The following COA7 variants were observed in gnomAD, a reference collection of about 807,000 sequenced individuals.
COA7 encodes Sel1 repeat containing 1.
Under a neutral mutation model 21.0 loss-of-function variants are expected in COA7, and 12 were observed. The observed-to-expected ratio is 0.57, with a 90% CI of 0.37 to 0.92. COA7 has a LOEUF of 0.92. Ranked by LOEUF, COA7 falls within the 40% of genes least tolerant of loss-of-function variation. The probability of loss-of-function intolerance (pLI) is 0.01; values close to 1 mark genes in which losing one functional copy is unlikely to be tolerated. For missense variants in COA7, 240 were observed against 286.1 expected (o/e 0.84, Z 1.16); for synonymous variants, 95 against 107.4 (o/e 0.88, Z 0.72).
intron 2 of COA7, among the ~76,000 whole-genome samples, chr1:52,688,469 A>G (rs1017649239): frequency 1.3e-5 from 2 of 152,096 alleles, no homozygotes; most frequent in African/African-American, 4.8e-5. Context: ...GCTAGTCTTA[A>G]ACTCTGGGAC....
intron 1 of COA7, among the ~76,000 whole-genome samples, chr1:52,696,060 C>T (rs912537455): frequency 6.6e-6 from 1 of 152,182 alleles, no homozygotes; most frequent in African/African-American, 2.4e-5. Flanking sequence ...CAACACTTGC[C>T]CAGCCCTCCA....
intron 1 of COA7, among the ~76,000 whole-genome samples, chr1:52,697,125 TA>T (rs1050312179): frequency 2.6e-5 from 4 of 151,210 alleles, no homozygotes; most frequent in African/African-American, 9.7e-5. Context: ...ACAAAAAAAT[TA>T]AAAAGTAGGC....
At chr1:52,692,660 A>C in intron 2 of COA7, 67 bp downstream of exon 2, 1 of 1,577,398 alleles carries the variant, frequency 6.3e-7, no homozygotes, top group Non-Finnish European at 8.7e-7. Context: ...AGAGCTTATC[A>C]TGGGGCTCAG....
At position 52,692,746 on chromosome 1, in the gene COA7, G is replaced by C. The variant is rs1644056641; in HGVS notation, c.228C>G (p.Ala76=). 1.2e-6 allele frequency: 2 copies of C among 1,614,166 alleles called. No individual in the cohort carries two copies. The highest frequency in any genetic ancestry group is 1.7e-6 in the Non-Finnish European group (2 of 1,180,042). ...QHSDSCYKLG[A]YYVTGKGGLT... is the part of the protein sequence containing the mutation. ...CCTTACCTTTTCCAGTCACATAGTAGGCCCCCAGTTTGTAGCAGCTATCAC... is the reference window on the plus strand; with the variant it reads ...CCTTACCTTTTCCAGTCACATAGTACGCCCCCAGTTTGTAGCAGCTATCAC... Residue 76 remains alanine, a synonymous_variant, in exon 2 of 3, where the codon GCC becomes GCG. Transcript: ENST00000371538.
intron 1 of COA7, 126 bp from the exon 2 acceptor site, chr1:52,692,993 T>A: frequency 2.1e-6 from 2 of 966,568 alleles, no homozygotes; most frequent in Non-Finnish European, 3.1e-6. Context: ...CCTGTCCTCC[T>A]GATGTGTGGC....
At chr1:52,693,821 A>G (rs1236476520) in intron 1 of COA7, among the ~76,000 whole-genome samples, 1 of 152,044 alleles carries the variant, frequency 6.6e-6, no homozygotes, top group African/African-American at 2.4e-5. Context: ...GTGACAACAT[A>G]TATCTCTCAT....
rs988363601 is a variant in COA7, at chr1:52,685,766, A to C, written c.*1954T>G. 5.9e-5 allele frequency: 9 copies of C among 152,042 alleles called. No individual in the cohort carries two copies. Among genetic ancestry groups the C allele is most frequent in the African/African-American group, 2.4e-5 (1 of 41,354 alleles). The allele number at this position is 152,042 out of a possible 1,614,324, so 9.4% of individuals were successfully genotyped here. A position where few individuals can be genotyped will look rare whatever the true frequency, so the allele number is the denominator to read the frequency against. Reference sequence around the variant, plus strand: ...TTTTTAGTAGATACGAGGTTTCACTATGTTGGCCAGGCTGTTCTCGAAATC... The same window carrying C: ...TTTTTAGTAGATACGAGGTTTCACTCTGTTGGCCAGGCTGTTCTCGAAATC... On this transcript the variant is annotated 3_prime_UTR_variant, in exon 3 of 3. Coordinates refer to ENST00000371538, the MANE Select transcript of COA7 (RefSeq NM_023077.3).
intron 2 of COA7, 54 bp from the exon 3 acceptor site, chr1:52,688,222 T>C (rs1344813618): frequency 5.8e-5 from 84 of 1,449,166 alleles, no homozygotes; most frequent in Non-Finnish European, 7.5e-5. Flanking sequence ...ACAACCTAAA[T>C]GTCTCAGGCC....
At chr1:52,694,948 T>C (rs897536957) in intron 1 of COA7, among the ~76,000 whole-genome samples, 3 of 152,116 alleles carry the variant, frequency 2.0e-5, no homozygotes, top group Admixed American at 6.6e-5. Flanking sequence ...GATGGAGTTA[T>C]GATTTTTTCC....
At chr1:52,690,881 G>A (rs773759449) in intron 2 of COA7, among the ~76,000 whole-genome samples, 3 of 152,010 alleles carry the variant, frequency 2.0e-5, no homozygotes, top group Non-Finnish European at 4.4e-5. Flanking sequence ...AGGCCAAGGC[G>A]GGTGGATCGT....
At chr1:52,698,109 C>G (rs1325478306) in intron 1 of COA7, 112 bp downstream of exon 1, 5 of 787,306 alleles carry the variant, frequency 6.4e-6, no homozygotes, top group African/African-American at 3.4e-5. Context: ...CCACAGACCC[C>G]GTCCCCCGCC....
At position 52,698,278 on chromosome 1, in the gene COA7, A is replaced by T. The variant is rs1571721266; in HGVS notation, c.49T>A (p.Leu17Met). 6.2e-7 allele frequency: 1 copy of T among 1,612,860 alleles called. No homozygotes were observed. The highest frequency in any genetic ancestry group is 2.2e-5 in the East Asian group (1 of 44,848). The change falls in exon 1 of 3, where the codon TTG becomes ATG. Residue 17 changes from leucine to methionine, a missense_variant. Physicochemically the swap from Leu to Met is conservative, Grantham distance 15. Around this residue, in one of 3 missense-constraint regions of COA7, gnomAD observed 71 missense variants for 54.7 expected, o/e 1.30. Coordinates refer to ENST00000371538, the MANE Select transcript of COA7 (RefSeq NM_023077.3). Reference protein sequence around the residue: ...FQDEEQVKSFLENMEVECNYH... With the variant: ...FQDEEQVKSFMENMEVECNYH... ...TTGCACTCCACCTCCATGTTCTCCA[A>T]AAAGGACTTGACCTGCTCCTCATCC...
chr1:52,688,755 T>A (rs1644024637), intron 2 of COA7, among the ~76,000 whole-genome samples: 1 of 152,170 alleles, frequency 6.6e-6, no homozygotes, highest in Non-Finnish European at 1.5e-5. Context: ...ACAGACCTCC[T>A]AGCTTTCTCA....
At chr1:52,688,564 T>C (rs955818632) in intron 2 of COA7, among the ~76,000 whole-genome samples, 5 of 152,148 alleles carry the variant, frequency 3.3e-5, no homozygotes, top group African/African-American at 1.2e-4. Context: ...AATTCCTGAA[T>C]AAAGTTTAAG....
rs1380236696 is a variant in COA7 at position 52,688,142 on chromosome 1, C to T, written c.274G>A (p.Ala92Thr). ...CACGCCATCAAAAAGCACCTGGCGG[C>T]AGCTTTCAGGTCCTGGGTCAGACCA... ...KGGLTQDLKA[A>T]ARCFLMACEK... Residue 92 changes from alanine (A) to threonine (T), a missense_variant, in exon 3 of 3, where the codon GCC becomes ACC. By Grantham distance (58) the Ala-to-Thr change is moderately conservative. Coordinates refer to ENST00000371538, the MANE Select transcript of COA7 (RefSeq NM_023077.3). The T allele has an allele frequency of 2.5e-6, 4 of 1,612,074 alleles. No individual in the cohort carries two copies. In the East Asian group the frequency reaches 8.9e-5, roughly 36 times the overall value.
chr1:52,689,028 T>C (rs1341711442), intron 2 of COA7, among the ~76,000 whole-genome samples: 1 of 152,206 alleles, frequency 6.6e-6, no homozygotes, highest in Non-Finnish European at 1.5e-5. Flanking sequence ...AACAATTATT[T>C]ACTCAGTATT....
chr1:52,689,394 T>G (rs1387939852), intron 2 of COA7, among the ~76,000 whole-genome samples: 3 of 151,366 alleles, frequency 2.0e-5, no homozygotes, highest in Non-Finnish European at 4.4e-5. Flanking sequence ...GACCTCATGA[T>G]CCGCCCGCCT....
At chr1:52,694,234 A>G (rs1460992432) in intron 1 of COA7, among the ~76,000 whole-genome samples, 1 of 152,158 alleles carries the variant, frequency 6.6e-6, no homozygotes, top group East Asian at 1.9e-4. Context: ...CGAGGCAGGC[A>G]GATCACCTGA....
Position 52,684,713 on chromosome 1 carries a change from AT to A in COA7, c.*3006del, listed in dbSNP as rs1486754187. The A allele has an allele frequency of 9.9e-5, 15 of 152,280 alleles. No homozygotes were observed. The highest frequency in any genetic ancestry group is 3.6e-4 in the African/African-American group (15 of 41,556). The allele number at this position is 152,280 out of a possible 1,614,324, so 9.4% of individuals were successfully genotyped here. On this transcript the variant is annotated 3_prime_UTR_variant, in exon 3 of 3. Transcript: ENST00000371538. ...GTTGGACATATGTACAATGACAGGT[AT>A]TTATAATTATAGTATCATACAGAGT...
Sources: allele counts gnomAD v4.1 joint callset (sites outside exome capture counted in the v4.1 genomes callset), GRCh38; gene constraint gnomAD v4.1.1; regional missense constraint gnomAD v4.1.1; transcripts MANE v1.5; gene names NCBI Gene and HGNC (gene_info 2026-07-23, HGNC 2026-07-21).